Variants in SCN8A observed in about 807,000 individuals in gnomAD.
The protein encoded by SCN8A is sodium channel protein type 8 subunit alpha.
In SCN8A, 30 loss-of-function variants were observed where a neutral mutation model predicts 184.1. That is an observed-to-expected ratio of 0.16 (90% CI 0.12 to 0.22). The LOEUF (loss-of-function observed/expected upper bound fraction) is 0.22. Among genes scored for constraint, SCN8A ranks in the 10% least tolerant of loss-of-function variants. The pLI is 1.00. For missense variants in SCN8A, 1,057 were observed against 2,498.9 expected (o/e 0.42, Z 12.30); for synonymous variants, 852 against 907.0 (o/e 0.94, Z 1.09).
chr12:51,601,116 A>T (rs753921158), intron 1 of SCN8A, among the ~76,000 whole-genome samples: 4 of 152,242 alleles, frequency 2.6e-5, no homozygotes, highest in Non-Finnish European at 5.9e-5. Context: ...AAGAACTGTT[A>T]TACAATAGTC....
intron 12 of SCN8A, among the ~76,000 whole-genome samples, chr12:51,739,637 C>A (rs1285968364): frequency 6.6e-6 from 1 of 152,186 alleles, no homozygotes; most frequent in Non-Finnish European, 1.5e-5. Flanking sequence ...AGCTCCCCTT[C>A]TTACTCACCA....
Position 51,810,403 on chromosome 12 carries a change from G to A in SCN8A, c.*2974G>A, listed in dbSNP as rs770854156. ...TTTACACCCGCAGTTAACAGGCATCGAACTGAAAGAATCAGTGATGACGTT... is the reference window on the plus strand; with the variant it reads ...TTTACACCCGCAGTTAACAGGCATCAAACTGAAAGAATCAGTGATGACGTT... On this transcript the variant is annotated 3_prime_UTR_variant, in exon 27 of 27. Transcript: ENST00000627620. The A allele has an allele frequency of 1.5e-5, 7 of 453,334 alleles. 1 individual carries two copies. The highest frequency in any genetic ancestry group is 7.8e-5 in the South Asian group (5 of 63,962). 28.1% of individuals were successfully genotyped at this position (453,334 alleles called of 1,614,324 possible). A position where few individuals can be genotyped will look rare whatever the true frequency, so the allele number is the denominator to read the frequency against.
chr12:51,663,216 TCTGGCTTG>T, intron 2 of SCN8A, 123 bp downstream of exon 2: 2 of 1,175,196 alleles, frequency 1.7e-6, no homozygotes, highest in Non-Finnish European at 2.4e-6. Flanking sequence ...TTGTTTCAGT[TCTGGCTTG>T]TGGGGATTAT....
chr12:51,692,081 C>T (rs985075448), intron 6 of SCN8A, among the ~76,000 whole-genome samples: 1 of 152,162 alleles, frequency 6.6e-6, no homozygotes, highest in Admixed American at 6.5e-5. Flanking sequence ...CAAGTTTTCT[C>T]GTGGATCACT....
At chr12:51,714,592 G>A (rs1444886181) in intron 11 of SCN8A, among the ~76,000 whole-genome samples, 1 of 152,096 alleles carries the variant, frequency 6.6e-6, no homozygotes, top group Non-Finnish European at 1.5e-5. Context: ...AGGGACCTCC[G>A]GGGGTCTCCA....
chr12:51,754,578 A>C (rs1942645492), intron 14 of SCN8A, among the ~76,000 whole-genome samples: 1 of 152,188 alleles, frequency 6.6e-6, no homozygotes, highest in Admixed American at 6.5e-5. Flanking sequence ...GGCCCTATTC[A>C]AGTTTTGCCA....
chr12:51,703,966 C>T (rs1387148504), intron 9 of SCN8A, among the ~76,000 whole-genome samples: 1 of 151,852 alleles, frequency 6.6e-6, no homozygotes, highest in Non-Finnish European at 1.5e-5. Context: ...AGTGCAGAGG[C>T]GCAATCTCTG....
At chr12:51,665,363 C>T (rs776549344) in intron 2 of SCN8A, among the ~76,000 whole-genome samples, 19 of 152,174 alleles carry the variant, frequency 1.2e-4, no homozygotes, top group African/African-American at 4.6e-4. Flanking sequence ...CTTCAGCCTT[C>T]GGCTTCATCA....
intron 12 of SCN8A, among the ~76,000 whole-genome samples, chr12:51,724,477 C>T (rs1942125057): frequency 6.6e-6 from 1 of 152,018 alleles, no homozygotes; most frequent in African/African-American, 2.4e-5. Flanking sequence ...CAAAACAAAA[C>T]AAAAACAGTG....
chr12:51,600,293 A>G (rs1452526394), intron 1 of SCN8A, among the ~76,000 whole-genome samples: 1 of 152,202 alleles, frequency 6.6e-6, no homozygotes, highest in African/African-American at 2.4e-5. Context: ...AGGAACAAGA[A>G]TTCTATACCT....
At chr12:51,791,180 C>T (rs1476201273) in intron 25 of SCN8A, among the ~76,000 whole-genome samples, 2 of 152,130 alleles carry the variant, frequency 1.3e-5, no homozygotes, top group African/African-American at 4.8e-5. Context: ...TCTGTAACTT[C>T]CATTTAGCAA....
intron 1 of SCN8A, among the ~76,000 whole-genome samples, chr12:51,609,041 T>G (rs1319308521): frequency 6.6e-6 from 1 of 152,242 alleles, no homozygotes; most frequent in Non-Finnish European, 1.5e-5. Context: ...TTTGCATGGT[T>G]TTGAAGGTTT....
intron 12 of SCN8A, among the ~76,000 whole-genome samples, chr12:51,727,527 A>T (rs1344181976): frequency 6.6e-6 from 1 of 152,122 alleles, no homozygotes; most frequent in Non-Finnish European, 1.5e-5. Flanking sequence ...CTGCCAGGTG[A>T]TGAGAATTGT....
chr12:51,750,528 A>G (rs557094452), intron 13 of SCN8A, among the ~76,000 whole-genome samples: 1 of 152,330 alleles, frequency 6.6e-6, no homozygotes, highest in South Asian at 2.1e-4. Flanking sequence ...TTCTAACTCA[A>G]CCATGAGCTG....
chr12:51,676,041 G>T (rs1248521104), intron 2 of SCN8A, among the ~76,000 whole-genome samples: 4 of 152,128 alleles, frequency 2.6e-5, no homozygotes, highest in African/African-American at 9.7e-5. Context: ...GGGATTTAGT[G>T]GTCTCTTTTG....
At chr12:51,698,409 TGA>T (rs1176489757) in intron 6 of SCN8A, among the ~76,000 whole-genome samples, 1 of 151,920 alleles carries the variant, frequency 6.6e-6, no homozygotes. Flanking sequence ...TGAGCAGGGA[TGA>T]GATTCTTCCT....
chr12:51,778,945 G>A (rs1937799729), intron 20 of SCN8A, among the ~76,000 whole-genome samples: 1 of 152,114 alleles, frequency 6.6e-6, no homozygotes, highest in South Asian at 2.1e-4. Context: ...GCCAGGCATG[G>A]TGGCTCAAGC....
At chr12:51,694,503 G>A (rs1386371127) in intron 6 of SCN8A, among the ~76,000 whole-genome samples, 1 of 152,184 alleles carries the variant, frequency 6.6e-6, no homozygotes, top group Non-Finnish European at 1.5e-5. Context: ...TTCTTGGCCT[G>A]TGGTAAATGT....
At chr12:51,668,955 G>T (rs1941083938) in intron 2 of SCN8A, among the ~76,000 whole-genome samples, 1 of 152,114 alleles carries the variant, frequency 6.6e-6, no homozygotes, top group Non-Finnish European at 1.5e-5. Flanking sequence ...CACAAATCTA[G>T]ACGATGTAGC....
Sources: gnomAD v4.1 joint callset for allele counts (sites outside exome capture counted in the v4.1 genomes callset) on GRCh38, gnomAD v4.1.1 for gene constraint, MANE v1.5 for transcripts, NCBI Gene and HGNC (gene_info 2026-07-23, HGNC 2026-07-21) for gene names.